The following GMDS variants were observed in gnomAD, a reference collection of about 807,000 sequenced individuals.
GMDS encodes GDP-mannose 4,6-dehydratase.
GMDS carries 20 observed loss-of-function variants against 49.9 expected under a neutral mutation model. That is an observed-to-expected ratio of 0.40 (90% CI 0.28 to 0.58). The LOEUF (loss-of-function observed/expected upper bound fraction) is 0.58. Among genes scored for constraint, GMDS ranks in the 20% least tolerant of loss-of-function variants. GMDS has a pLI of 0.42. For missense variants in GMDS, 362 were observed against 481.4 expected, an observed-to-expected ratio of 0.75 and a Z score of 2.32; for synonymous variants, 177 against 178.6, an observed-to-expected ratio of 0.99 and a Z score of 0.07.
chr6:2,219,787 C>T lies in GMDS; in HGVS notation c.102+25534G>A, dbSNP rs553547323. ...ATCATGAATATTGCTCCTGAGCAGCCGGGTCACTTCCGTTTTCTTCAAATG... is the reference window on the plus strand; with the variant it reads ...ATCATGAATATTGCTCCTGAGCAGCTGGGTCACTTCCGTTTTCTTCAAATG... On this transcript the variant is annotated intron_variant, in intron 1 of 10. Transcript: ENST00000380815. 2.8e-4 allele frequency among the ~76,000 whole-genome samples: 43 copies of T among 152,234 alleles called. 1 individual carries two copies. The South Asian group carries it at 8.7e-3, about 31-fold the overall frequency.
intron 4 of GMDS, among the ~76,000 whole-genome samples, chr6:2,066,447 G>A (rs894028056): frequency 6.7e-6 from 1 of 149,548 alleles, no homozygotes; most frequent in African/African-American, 2.5e-5. Flanking sequence ...TGGACTAAAT[G>A]CTCCAATTAA....
At chr6:2,192,746 C>T (rs771259610) in intron 1 of GMDS, among the ~76,000 whole-genome samples, 4 of 152,204 alleles carry the variant, frequency 2.6e-5, no homozygotes, top group Non-Finnish European at 5.9e-5. Context: ...GTGCAGTAGC[C>T]CAACCCCGCA....
At chr6:1,634,146 C>A (rs532339599) in intron 9 of GMDS, among the ~76,000 whole-genome samples, 1 of 152,216 alleles carries the variant, frequency 6.6e-6, no homozygotes, top group Admixed American at 6.5e-5. Context: ...CCTAAAAGCA[C>A]CTGGCGACTC....
At chr6:1,828,726 T>C (rs1771232427) in intron 7 of GMDS, among the ~76,000 whole-genome samples, 1 of 152,176 alleles carries the variant, frequency 6.6e-6, no homozygotes, top group South Asian at 2.1e-4. Context: ...AAATAAGACA[T>C]TCCCAGATAA....
At chr6:1,811,202 ATAAT>A (rs1182145081) in intron 7 of GMDS, among the ~76,000 whole-genome samples, 3 of 152,244 alleles carry the variant, frequency 2.0e-5, no homozygotes, top group Non-Finnish European at 2.9e-5. Flanking sequence ...AAATGATAAA[ATAAT>A]TATTTAAGAT....
At chr6:1,672,155 T>C (rs753579473) in intron 9 of GMDS, among the ~76,000 whole-genome samples, 4 of 152,098 alleles carry the variant, frequency 2.6e-5, no homozygotes, top group Non-Finnish European at 5.9e-5. Flanking sequence ...TACATTTGGG[T>C]CTGGCTTCAG....
At chr6:1,884,181 T>C (rs1034928916) in intron 7 of GMDS, among the ~76,000 whole-genome samples, 3 of 152,232 alleles carry the variant, frequency 2.0e-5, no homozygotes, top group Non-Finnish European at 2.9e-5. Context: ...CAATCAAATA[T>C]CTATGTGAAA....
At chr6:2,017,018 C>T (rs1399353076) in intron 4 of GMDS, among the ~76,000 whole-genome samples, 1 of 151,646 alleles carries the variant, frequency 6.6e-6, no homozygotes, top group African/African-American at 2.4e-5. Context: ...AATCGATCCC[C>T]AAGTAAGCAG....
At chr6:2,142,168 G>C (rs4959637) in intron 1 of GMDS, among the ~76,000 whole-genome samples, 23,733 of 151,936 alleles carry the variant, frequency 0.16, 4,222 homozygotes, top group African/African-American at 0.43. Context: ...GGCCATAAGA[G>C]AAAAAAGAGC....
chr6:1,627,575 T>A (rs1581385397), intron 9 of GMDS, among the ~76,000 whole-genome samples: 1 of 152,250 alleles, frequency 6.6e-6, no homozygotes, highest in East Asian at 1.9e-4. Context: ...CAATAGGGTA[T>A]AATCAGCTCC....
chr6:1,718,482 C>T (rs1269843024), intron 9 of GMDS, among the ~76,000 whole-genome samples: 2 of 152,146 alleles, frequency 1.3e-5, no homozygotes, highest in Admixed American at 6.5e-5. Flanking sequence ...ACTCTGATTC[C>T]ATGGTCTCCA....
intron 9 of GMDS, among the ~76,000 whole-genome samples, chr6:1,688,138 G>A (rs929847740): frequency 2.0e-5 from 3 of 152,172 alleles, no homozygotes; most frequent in South Asian, 2.1e-4. Context: ...GTTGATTTCC[G>A]AAGGAGAGTG....
intron 4 of GMDS, among the ~76,000 whole-genome samples, chr6:2,016,843 A>T (rs777965596): frequency 3.9e-5 from 6 of 152,178 alleles, no homozygotes; most frequent in Non-Finnish European, 8.8e-5. Context: ...TCACAAGAGA[A>T]ATTAGAATAT....
chr6:1,957,651 C>T (rs1763714586), intron 6 of GMDS, among the ~76,000 whole-genome samples: 1 of 152,068 alleles, frequency 6.6e-6, no homozygotes, highest in African/African-American at 2.4e-5. Context: ...AGAGCAGAAC[C>T]CTCTTTGTAT....
intron 7 of GMDS, among the ~76,000 whole-genome samples, chr6:1,820,619 G>A (rs996299363): frequency 1.3e-5 from 2 of 152,064 alleles, no homozygotes; most frequent in African/African-American, 2.4e-5. Context: ...TTCTGTTTAC[G>A]TTTTAATGTA....
intron 4 of GMDS, among the ~76,000 whole-genome samples, chr6:2,010,006 C>T (rs952205919): frequency 1.3e-5 from 2 of 152,084 alleles, no homozygotes; most frequent in African/African-American, 4.8e-5. Flanking sequence ...ACCCAACGAA[C>T]CCTGAGCAGG....
intron 1 of GMDS, among the ~76,000 whole-genome samples, chr6:2,175,183 A>C (rs886466140): frequency 6.6e-4 from 101 of 152,088 alleles, no homozygotes; most frequent in African/African-American, 2.3e-3. Context: ...TTGAAAAAGG[A>C]GATGTTTTAT....
At chr6:1,704,376 T>TGGGCTC (rs1765649032) in intron 9 of GMDS, among the ~76,000 whole-genome samples, 1 of 148,454 alleles carries the variant, frequency 6.7e-6, no homozygotes, top group African/African-American at 2.5e-5. Flanking sequence ...CAGAGTGGTG[T>TGGGCTC]GGGCTCCATG....
At chr6:1,724,677 T>C (rs575418028) in intron 9 of GMDS, among the ~76,000 whole-genome samples, 9 of 152,252 alleles carry the variant, frequency 5.9e-5, no homozygotes, top group East Asian at 1.9e-4. Context: ...TTCCAGAAAA[T>C]TGACATCTCT....
Sources: allele counts gnomAD v4.1 joint callset (sites outside exome capture counted in the v4.1 genomes callset), GRCh38; gene constraint gnomAD v4.1.1; transcripts MANE v1.5; gene names NCBI Gene and HGNC (gene_info 2026-07-23, HGNC 2026-07-21).